Variants in ARHGAP24 observed in about 807,000 individuals in gnomAD.
ARHGAP24 encodes the protein rho GTPase-activating protein 24.
A neutral mutation model predicts 76.4 loss-of-function variants in ARHGAP24; 50 were observed. That is an observed-to-expected ratio of 0.65 (90% CI 0.52 to 0.83). The LOEUF is 0.83. Among genes scored for constraint, ARHGAP24 ranks in the 40% least tolerant of loss-of-function variants. ARHGAP24 has a pLI of 0.00. For synonymous variants in ARHGAP24, 345 were observed against 323.3 expected (o/e 1.07, Z -0.72); for missense variants, 930 against 914.2 (o/e 1.02, Z -0.22).
At chr4:85,841,006 A>G (rs190241036) in intron 3 of ARHGAP24, among the ~76,000 whole-genome samples, 47 of 152,336 alleles carry the variant, frequency 3.1e-4, no homozygotes, top group African/African-American at 1.1e-3. Flanking sequence ...GCACCATAAT[A>G]CCTGTTAGAG....
chr4:85,879,232 T>C (rs1707150762), intron 3 of ARHGAP24, among the ~76,000 whole-genome samples: 5 of 152,194 alleles, frequency 3.3e-5, no homozygotes, highest in Admixed American at 6.5e-5. Flanking sequence ...CATGAACATA[T>C]CAGTTATATT....
At chr4:85,877,539 C>A (rs2148764793) in intron 3 of ARHGAP24, among the ~76,000 whole-genome samples, 1 of 52,772 alleles carries the variant, frequency 1.9e-5, no homozygotes, top group Non-Finnish European at 3.9e-5. Context: ...GTGGGAGGAT[C>A]TTTTGAGCCC....
intron 2 of ARHGAP24, among the ~76,000 whole-genome samples, chr4:85,614,458 A>T (rs887521708): frequency 2.0e-5 from 3 of 152,076 alleles, no homozygotes. Context: ...TTGGGTATCC[A>T]CATGTACCTC....
At chr4:85,516,285 A>G (rs1353082645) in intron 1 of ARHGAP24, among the ~76,000 whole-genome samples, 2 of 152,186 alleles carry the variant, frequency 1.3e-5, no homozygotes, top group Non-Finnish European at 2.9e-5. Flanking sequence ...GCATCCCTGA[A>G]CTAGAATAAT....
intron 3 of ARHGAP24, among the ~76,000 whole-genome samples, chr4:85,922,351 G>A (rs346515): frequency 0.65 from 98,038 of 151,996 alleles, 32,373 homozygotes; most frequent in East Asian, 0.99. Context: ...ACTATGTGTG[G>A]ACCAGATTGA....
At chr4:85,765,994 G>A (rs1029317789) in intron 3 of ARHGAP24, among the ~76,000 whole-genome samples, 2 of 151,952 alleles carry the variant, frequency 1.3e-5, no homozygotes, top group Non-Finnish European at 2.9e-5. Flanking sequence ...TATGAATTAC[G>A]GGGTACAAAT....
chr4:85,778,922 G>A, intron 3 of ARHGAP24: 1 of 985,390 alleles, frequency 1.0e-6, no homozygotes, highest in Non-Finnish European at 1.2e-6. Context: ...ACAAGAGTCG[G>A]CACTGGGAAC....
chr4:85,827,858 A>G (rs934658326), intron 3 of ARHGAP24: 1 of 1,245,218 alleles, frequency 8.0e-7, no homozygotes, highest in Non-Finnish European at 1.1e-6. Flanking sequence ...ACACAGTAGG[A>G]CCTGAGTTGG....
intron 3 of ARHGAP24, among the ~76,000 whole-genome samples, chr4:85,782,730 A>G (rs1010166555): frequency 1.3e-5 from 2 of 152,206 alleles, no homozygotes; most frequent in Non-Finnish European, 2.9e-5. Flanking sequence ...TCTCCCAGGG[A>G]AAAAAGATAC....
rs141735234 is a variant in ARHGAP24 at position 85,521,232 on chromosome 4, A to C, written c.-21+45673A>C. The stretch of plus-strand genomic sequence containing the variant: ...TGTTTCACTGATAAGCAGCAATGCT[A>C]TTATTCCATTTTCTGGGCGGATGCA... On this transcript the variant is annotated intron_variant, in intron 1 of 9. Transcript: ENST00000395184. Among the ~76,000 whole-genome samples, 507 of 152,200 alleles carry C rather than the reference A, an allele frequency of 3.3e-3. 3 individuals carry two copies. Among genetic ancestry groups the C allele is most frequent in the Middle Eastern group, 0.014 (4 of 294 alleles).
chr4:85,852,492 C>T (rs1731293199), intron 3 of ARHGAP24, among the ~76,000 whole-genome samples: 1 of 152,218 alleles, frequency 6.6e-6, no homozygotes, highest in Admixed American at 6.5e-5. Context: ...TGTTCTGTTG[C>T]TGGCGAGGAG....
intron 8 of ARHGAP24, among the ~76,000 whole-genome samples, chr4:85,992,381 T>C (rs1169504563): frequency 6.6e-6 from 1 of 152,090 alleles, no homozygotes; most frequent in African/African-American, 2.4e-5. Flanking sequence ...GACCTGACAC[T>C]CATACTCCAT....
At chr4:85,909,140 G>C (rs1440716514) in intron 3 of ARHGAP24, among the ~76,000 whole-genome samples, 1 of 152,282 alleles carries the variant, frequency 6.6e-6, no homozygotes, top group Non-Finnish European at 1.5e-5. Context: ...GAGGTATTCT[G>C]AGTGGGCTTA....
chr4:85,993,922 AT>A (rs1380503869), intron 8 of ARHGAP24, among the ~76,000 whole-genome samples: 3 of 152,250 alleles, frequency 2.0e-5, no homozygotes, highest in African/African-American at 7.2e-5. Context: ...GATTCTGGAG[AT>A]TTTTGCTAGT....
chr4:85,940,119 A>C lies in ARHGAP24; in HGVS notation c.392-1947A>C, dbSNP rs571380993. On this transcript the variant is annotated intron_variant, in intron 4 of 9. Transcript: ENST00000395184. ...ACCAGTTTGTAAACCTTATTATTAA[A>C]ACACTAGAATATCTCCAAAAGTTGT... 3.9e-5 allele frequency among the ~76,000 whole-genome samples: 6 copies of C among 152,224 alleles called. No homozygotes were observed. The South Asian group carries it at 1.0e-3, about 26-fold the overall frequency.
chr4:85,857,079 G>A (rs746739685), intron 3 of ARHGAP24, among the ~76,000 whole-genome samples: 8 of 151,906 alleles, frequency 5.3e-5, no homozygotes, highest in Admixed American at 2.6e-4. Flanking sequence ...TAATACTTCT[G>A]GAATATACTC....
rs111852765 is a variant in ARHGAP24 at position 85,911,840 on chromosome 4, T to A, written c.269-11808T>A. On this transcript the variant is annotated intron_variant, in intron 3 of 9. Coordinates refer to ENST00000395184, the MANE Select transcript of ARHGAP24 (RefSeq NM_001025616.3). ...TTCAGATTTTTATCCACTTACTTAA[T>A]ATTATCTAAAATTAGCATACAAGCA... 8.0e-3 allele frequency among the ~76,000 whole-genome samples: 1,216 copies of A among 152,308 alleles called. 16 individuals are homozygous for A. The highest frequency in any genetic ancestry group is 0.025 in the African/African-American group (1,058 of 41,564).
chr4:85,487,846 A>G (rs1191326057), intron 1 of ARHGAP24, among the ~76,000 whole-genome samples: 2 of 122,928 alleles, frequency 1.6e-5, no homozygotes, highest in South Asian at 2.2e-4. Context: ...TTATATAAAT[A>G]TATATTTATT....
At chr4:85,828,564 A>G (rs1315216927) in intron 3 of ARHGAP24, among the ~76,000 whole-genome samples, 1 of 151,554 alleles carries the variant, frequency 6.6e-6, no homozygotes, top group East Asian at 1.9e-4. Flanking sequence ...AATACGTGCT[A>G]TCTTTTGATG....
Sources: gnomAD v4.1 joint callset for allele counts (sites outside exome capture counted in the v4.1 genomes callset) on GRCh38, gnomAD v4.1.1 for gene constraint, MANE v1.5 for transcripts, NCBI Gene and HGNC (gene_info 2026-07-23, HGNC 2026-07-21) for gene names.